The following PKHD1 variants were observed in gnomAD, a reference collection of about 807,000 sequenced individuals.
PKHD1 encodes fibrocystin.
Under a neutral mutation model 412.0 loss-of-function variants are expected in PKHD1, and 291 were observed. The observed-to-expected ratio is 0.71, with a 90% CI of 0.64 to 0.78. The LOEUF is 0.78. Ranked by LOEUF, PKHD1 falls within the 30% of genes least tolerant of loss-of-function variation. The probability of loss-of-function intolerance (pLI) is 0.00; values close to 1 mark genes in which losing one functional copy is unlikely to be tolerated. For synonymous variants in PKHD1, 1,777 were observed against 1,821.5 expected (o/e 0.98, Z 0.62); for missense variants, 4,825 against 4,950.7 (o/e 0.97, Z 0.76).
chr6:51,680,193 GAAATTTTTTCCACGATGGCTTGA>G (rs1410125966), intron 60 of PKHD1, among the ~76,000 whole-genome samples: 1 of 151,938 alleles, frequency 6.6e-6, no homozygotes, highest in East Asian at 1.9e-4. Flanking sequence ...AGCAGTACTA[GAAATTTTTTCCACGATGGCTTGA>G]TATTGGCAGC....
intron 66 of PKHD1, among the ~76,000 whole-genome samples, chr6:51,625,594 T>C (rs1044624282): frequency 3.9e-5 from 6 of 152,268 alleles, no homozygotes; most frequent in Middle Eastern, 3.4e-3. Flanking sequence ...CCTTTCCCTG[T>C]CTCATTCCTA....
At chr6:52,003,296 A>G (rs1204015108) in intron 35 of PKHD1, among the ~76,000 whole-genome samples, 1 of 152,232 alleles carries the variant, frequency 6.6e-6, no homozygotes, top group South Asian at 2.1e-4. Flanking sequence ...AGACGAGATG[A>G]GAAACCTGTG....
intron 32 of PKHD1, among the ~76,000 whole-genome samples, chr6:52,023,271 C>T (rs1367898378): frequency 6.6e-6 from 1 of 152,166 alleles, no homozygotes; most frequent in African/African-American, 2.4e-5. Flanking sequence ...ATTCCCCCAA[C>T]CATCTGACTC....
At chr6:51,704,536 C>G (rs1399002598) in intron 60 of PKHD1, among the ~76,000 whole-genome samples, 2 of 152,046 alleles carry the variant, frequency 1.3e-5, no homozygotes, top group African/African-American at 4.8e-5. Flanking sequence ...TAAAAGCTCA[C>G]ACCAAAGCAG....
intron 54 of PKHD1, among the ~76,000 whole-genome samples, chr6:51,773,118 T>C (rs1350584364): frequency 6.6e-6 from 1 of 151,978 alleles, no homozygotes; most frequent in African/African-American, 2.4e-5. Flanking sequence ...CTCCAAACCA[T>C]TTGCAATTCT....
chr6:52,080,860 C>T (rs945370985), intron 4 of PKHD1, among the ~76,000 whole-genome samples: 1 of 152,008 alleles, frequency 6.6e-6, no homozygotes, highest in African/African-American at 2.4e-5. Flanking sequence ...AAATAAAATA[C>T]ATTATTAAAT....
intron 50 of PKHD1, among the ~76,000 whole-genome samples, chr6:51,845,749 A>G (rs1162724110): frequency 6.6e-6 from 1 of 152,238 alleles, no homozygotes; most frequent in Non-Finnish European, 1.5e-5. Context: ...ATATAATAGT[A>G]TAACTTGCTA....
intron 6 of PKHD1, among the ~76,000 whole-genome samples, chr6:52,074,288 A>G (rs1196121375): frequency 6.6e-6 from 1 of 152,230 alleles, no homozygotes; most frequent in Non-Finnish European, 1.5e-5. Flanking sequence ...TGTTATTAGT[A>G]AGAAGTGACT....
At chr6:51,695,034 G>A (rs555900280) in intron 60 of PKHD1, among the ~76,000 whole-genome samples, 3 of 152,236 alleles carry the variant, frequency 2.0e-5, no homozygotes, top group Admixed American at 6.5e-5. Flanking sequence ...AACAAAAATT[G>A]AAGAATAAAG....
chr6:51,961,611 T>C (rs192464387), intron 35 of PKHD1, among the ~76,000 whole-genome samples: 5 of 152,216 alleles, frequency 3.3e-5, no homozygotes, highest in Admixed American at 3.3e-4. Flanking sequence ...ATATATATTA[T>C]ACATTCTTAT....
chr6:51,643,758 CGTG>C (rs1267743820), intron 63 of PKHD1, among the ~76,000 whole-genome samples: 5 of 151,934 alleles, frequency 3.3e-5, no homozygotes, highest in Non-Finnish European at 5.9e-5. Context: ...AAACATGCGC[CGTG>C]GTGGTTGGCT....
At chr6:52,012,758 T>G (rs895317055) in intron 34 of PKHD1, among the ~76,000 whole-genome samples, 2 of 152,224 alleles carry the variant, frequency 1.3e-5, no homozygotes, top group African/African-American at 4.8e-5. Flanking sequence ...TGGAATAGTT[T>G]GTGAAGGTCT....
chr6:51,854,112 T>G (rs949279861), intron 49 of PKHD1, among the ~76,000 whole-genome samples: 4 of 152,092 alleles, frequency 2.6e-5, no homozygotes, highest in African/African-American at 9.7e-5. Context: ...TGTGGGGGCC[T>G]TTTTGTTGTT....
rs7773992 is a variant in PKHD1, at chr6:51,863,177, A to G, written c.7733+4686T>C. Among the ~76,000 whole-genome samples the G allele has an allele frequency of 4.9e-3, 747 of 152,332 alleles. 4 individuals carry two copies. The highest frequency in any genetic ancestry group is 0.017 in the African/African-American group (698 of 41,574). ...AATATACCTAGGAAGTAGAGGGGAT[A>G]TGACTTGTACCCACAAAGGATTGTT... On this transcript the variant is annotated intron_variant, in intron 48 of 66. Transcript: ENST00000371117.
chr6:51,701,850 T>C (rs1436311867), intron 60 of PKHD1, among the ~76,000 whole-genome samples: 1 of 151,852 alleles, frequency 6.6e-6, no homozygotes, highest in Non-Finnish European at 1.5e-5. Context: ...AATTTTAGGC[T>C]TTGTGGCCAA....
intron 66 of PKHD1, among the ~76,000 whole-genome samples, chr6:51,624,629 AT>A (rs1283492841): frequency 6.6e-6 from 1 of 152,212 alleles, no homozygotes; most frequent in Non-Finnish European, 1.5e-5. Flanking sequence ...AGCAGTTGTA[AT>A]AACTACTGGA....
intron 60 of PKHD1, among the ~76,000 whole-genome samples, chr6:51,716,955 G>A (rs1309547313): frequency 1.3e-5 from 2 of 152,196 alleles, no homozygotes; most frequent in East Asian, 1.9e-4. Flanking sequence ...ACTAATCCTG[G>A]TAGTCCAAGG....
intron 36 of PKHD1, among the ~76,000 whole-genome samples, chr6:51,945,226 C>T (rs1789272376): frequency 6.6e-6 from 1 of 152,170 alleles, no homozygotes; most frequent in Non-Finnish European, 1.5e-5. Context: ...ATTTGTATGA[C>T]AGGACTGCCG....
intron 49 of PKHD1, 115 bp from the exon 50 acceptor site, chr6:51,848,085 T>A: frequency 1.4e-6 from 1 of 734,636 alleles, no homozygotes; most frequent in East Asian, 2.6e-5. Flanking sequence ...TGGAGTAGTT[T>A]AGAAATCATA....
Sources: gnomAD v4.1 joint callset for allele counts (sites outside exome capture counted in the v4.1 genomes callset) on GRCh38, gnomAD v4.1.1 for gene constraint, MANE v1.5 for transcripts, NCBI Gene and HGNC (gene_info 2026-07-23, HGNC 2026-07-21) for gene names.